Variants in LARGE1 observed in about 807,000 individuals in gnomAD.
The protein encoded by LARGE1 is LARGE xylosyl- and glucuronyltransferase 1.
A neutral mutation model predicts 87.6 loss-of-function variants in LARGE1; 43 were observed. That is an observed-to-expected ratio of 0.49 (90% confidence interval 0.38 to 0.63). The LOEUF is 0.63. LARGE1 is among the 30% of genes least tolerant of loss of function. The pLI is 0.00. For missense variants in LARGE1, 802 were observed against 1,000.2 expected (o/e 0.80, Z 2.67); for synonymous variants, 434 against 394.6 (o/e 1.10, Z -1.18).
intron 2 of LARGE1, among the ~76,000 whole-genome samples, chr22:33,690,359 G>A (rs543708755): frequency 6.6e-6 from 1 of 152,278 alleles, no homozygotes; most frequent in East Asian, 1.9e-4. Flanking sequence ...GACTAACTAA[G>A]TATACCCATG....
chr22:33,554,922 T>C (rs1027856063), intron 6 of LARGE1, among the ~76,000 whole-genome samples: 1 of 152,228 alleles, frequency 6.6e-6, no homozygotes, highest in African/African-American at 2.4e-5. Flanking sequence ...TGCTGGGACA[T>C]ATCAGGCATA....
At chr22:33,654,447 C>A (rs1425053999) in intron 2 of LARGE1, among the ~76,000 whole-genome samples, 1 of 152,224 alleles carries the variant, frequency 6.6e-6, no homozygotes, top group African/African-American at 2.4e-5. Flanking sequence ...ATGATCCCAA[C>A]ACCGCATGAT....
chr22:33,698,818 G>C (rs1465960901), intron 2 of LARGE1, among the ~76,000 whole-genome samples: 1 of 152,156 alleles, frequency 6.6e-6, no homozygotes, highest in Non-Finnish European at 1.5e-5. Context: ...CTCGATATTT[G>C]TGTGCTGTGC....
intron 10 of LARGE1, among the ~76,000 whole-genome samples, chr22:33,329,816 T>C (rs1372361273): frequency 6.6e-6 from 1 of 152,160 alleles, no homozygotes; most frequent in Non-Finnish European, 1.5e-5. Context: ...TTCCTTTAGT[T>C]GGAAATTCCC....
intron 5 of LARGE1, among the ~76,000 whole-genome samples, chr22:33,583,160 A>T (rs987031737): frequency 6.6e-6 from 1 of 152,108 alleles, no homozygotes; most frequent in African/African-American, 2.4e-5. Context: ...TTGTTCCAGA[A>T]TTCTAGGAGC....
intron 11 of LARGE1, among the ~76,000 whole-genome samples, chr22:33,204,408 C>G (rs1568972678): frequency 6.6e-6 from 1 of 152,178 alleles, no homozygotes; most frequent in African/African-American, 2.4e-5. Context: ...TCCAACTTTG[C>G]ATTTCACTAA....
chr22:33,759,608 C>A (rs980935269), intron 2 of LARGE1, among the ~76,000 whole-genome samples: 21 of 152,320 alleles, frequency 1.4e-4, no homozygotes, highest in Admixed American at 2.6e-4. Context: ...CTGTCGTCAT[C>A]ACTGTGATGA....
At chr22:33,442,204 C>T (rs2067504524) in intron 6 of LARGE1, among the ~76,000 whole-genome samples, 1 of 152,114 alleles carries the variant, frequency 6.6e-6, no homozygotes, top group Non-Finnish European at 1.5e-5. Flanking sequence ...TTCCGATCAC[C>T]GGAATGGTTC....
intron 7 of LARGE1, among the ~76,000 whole-genome samples, chr22:33,415,392 A>G (rs1295848298): frequency 6.6e-6 from 1 of 152,224 alleles, no homozygotes; most frequent in Non-Finnish European, 1.5e-5. Context: ...CTGGGGAAAC[A>G]GATTTCTTGC....
At chr22:33,616,894 T>C (rs370972696) in intron 4 of LARGE1, among the ~76,000 whole-genome samples, 48 of 152,240 alleles carry the variant, frequency 3.2e-4, no homozygotes, top group African/African-American at 1.1e-3. Flanking sequence ...CTGAGGATAG[T>C]TGCACAATTC....
At chr22:33,435,040 G>A (rs749969401) in intron 6 of LARGE1, among the ~76,000 whole-genome samples, 7 of 151,960 alleles carry the variant, frequency 4.6e-5, no homozygotes, top group Non-Finnish European at 8.8e-5. Flanking sequence ...TTGCTCTGTC[G>A]CCCAGGCTGG....
At chr22:33,609,539 G>A (rs1409181563) in intron 4 of LARGE1, among the ~76,000 whole-genome samples, 2 of 152,168 alleles carry the variant, frequency 1.3e-5, no homozygotes, top group African/African-American at 4.8e-5. Context: ...GAGAAAGGGA[G>A]GCATTCAGCA....
At chr22:33,453,091 G>C (rs918377623) in intron 6 of LARGE1, among the ~76,000 whole-genome samples, 3 of 152,200 alleles carry the variant, frequency 2.0e-5, no homozygotes, top group Non-Finnish European at 4.4e-5. Flanking sequence ...TCTACAGACA[G>C]GTTTGTAGTG....
intron 1 of LARGE1, among the ~76,000 whole-genome samples, chr22:33,822,249 T>A (rs973782413): frequency 6.6e-6 from 1 of 152,120 alleles, no homozygotes; most frequent in Non-Finnish European, 1.5e-5. Flanking sequence ...TTTGAGTTCT[T>A]ATAGCTGGTA....
At chr22:33,637,307 C>A (rs2080295914) in intron 3 of LARGE1, among the ~76,000 whole-genome samples, 1 of 152,092 alleles carries the variant, frequency 6.6e-6, no homozygotes. Context: ...TGTTGTCATT[C>A]TCAGTGGCAC....
At position 33,904,051 on chromosome 22, in the gene LARGE1, C is replaced by T. The variant is rs370752642; in HGVS notation, c.-83+15944G>A. Among the ~76,000 whole-genome samples, 115 of 152,214 alleles carry T rather than the reference C, an allele frequency of 7.6e-4. 3 individuals are homozygous for T. The South Asian group carries it at 8.1e-3, about 11-fold the overall frequency. ...GATTAATCTTCCTACTGAATATTTT[C>T]GGCCATTCTGTCTACCCAGCTTCTC... On this transcript the variant is annotated intron_variant, in intron 1 of 14. Transcript: ENST00000397394.
intron 2 of LARGE1, among the ~76,000 whole-genome samples, chr22:33,677,380 A>T (rs1369266846): frequency 6.6e-6 from 1 of 152,110 alleles, no homozygotes; most frequent in South Asian, 2.1e-4. Context: ...CAATGGAACT[A>T]GTAGAGGAAC....
intron 7 of LARGE1, among the ~76,000 whole-genome samples, chr22:33,388,351 G>A (rs929980045): frequency 2.6e-5 from 4 of 152,144 alleles, no homozygotes; most frequent in Non-Finnish European, 4.4e-5. Flanking sequence ...TGTTGAAGGC[G>A]CTCCTTGTCT....
intron 6 of LARGE1, among the ~76,000 whole-genome samples, chr22:33,517,202 G>A (rs2071351389): frequency 1.3e-5 from 2 of 152,030 alleles, no homozygotes; most frequent in South Asian, 4.1e-4. Context: ...GCTAACTCTG[G>A]ATTACTAAGA....
Sources: gnomAD v4.1 joint callset for allele counts (sites outside exome capture counted in the v4.1 genomes callset) on GRCh38, gnomAD v4.1.1 for gene constraint, MANE v1.5 for transcripts, NCBI Gene and HGNC (gene_info 2026-07-23, HGNC 2026-07-21) for gene names.